PPFIA2: variants seen among roughly 807,000 people sequenced by gnomAD.
The protein encoded by PPFIA2 is PPFI scaffold protein A2, also known as liprin-alpha-2.
In PPFIA2, 46 loss-of-function variants were observed where a neutral mutation model predicts 175.5. The ratio of observed to expected loss-of-function variants is 0.26; its 90% CI spans 0.21 to 0.34. The LOEUF is 0.34. PPFIA2 is among the 10% of genes least tolerant of loss of function. The probability of loss-of-function intolerance (pLI) is 1.00; values close to 1 mark genes in which losing one functional copy is unlikely to be tolerated. For missense variants in PPFIA2, 1,179 were observed against 1,506.1 expected (o/e 0.78, Z 3.60); for synonymous variants, 568 against 511.4 (o/e 1.11, Z -1.49).
chr12:81,748,947 C>T (rs1380817127), intron 3 of PPFIA2, among the ~76,000 whole-genome samples: 10 of 144,444 alleles, frequency 6.9e-5, no homozygotes, highest in African/African-American at 2.4e-4. Context: ...TCACTTTCAT[C>T]CTATAACCTT....
chr12:81,313,497 C>T (rs1419680757), intron 22 of PPFIA2, among the ~76,000 whole-genome samples: 1 of 152,014 alleles, frequency 6.6e-6, no homozygotes, highest in Non-Finnish European at 1.5e-5. Context: ...TCCACAGCAT[C>T]TGTGGGAAAC....
intron 4 of PPFIA2, among the ~76,000 whole-genome samples, chr12:81,576,692 A>G (rs1475440242): frequency 2.0e-5 from 3 of 151,882 alleles, no homozygotes; most frequent in Admixed American, 6.6e-5. Context: ...TACAAATTTT[A>G]TAAGTAGCTT....
At chr12:81,270,371 T>G (rs2038734565) in intron 28 of PPFIA2, among the ~76,000 whole-genome samples, 1 of 152,196 alleles carries the variant, frequency 6.6e-6, no homozygotes, top group African/African-American at 2.4e-5. Context: ...AAAATTCTTG[T>G]AGAAGCCCTA....
At chr12:81,457,999 T>A (rs1400509148) in intron 4 of PPFIA2, 133 bp from the exon 5 acceptor site, 1 of 609,258 alleles carries the variant, frequency 1.6e-6, no homozygotes, top group Non-Finnish European at 2.9e-6. Flanking sequence ...GTTGCTGTTA[T>A]GAAGTATCTT....
At chr12:81,702,104 G>A (rs2076558741) in intron 3 of PPFIA2, among the ~76,000 whole-genome samples, 2 of 152,078 alleles carry the variant, frequency 1.3e-5, no homozygotes, top group African/African-American at 2.4e-5. Context: ...AGAGGAGTAA[G>A]AAAAACAGGG....
intron 4 of PPFIA2, among the ~76,000 whole-genome samples, chr12:81,538,787 C>T (rs1050276712): frequency 6.6e-6 from 1 of 151,782 alleles, no homozygotes; most frequent in Non-Finnish European, 1.5e-5. Context: ...GAGCATGAGT[C>T]GTGTCCATGG....
At chr12:81,303,417 G>A (rs1647441339) in intron 22 of PPFIA2, among the ~76,000 whole-genome samples, 1 of 152,158 alleles carries the variant, frequency 6.6e-6, no homozygotes, top group Non-Finnish European at 1.5e-5. Context: ...CTTCCTTTTA[G>A]AGGAAGTGTC....
At chr12:81,371,532 T>C (rs2035095458) in intron 11 of PPFIA2, among the ~76,000 whole-genome samples, 1 of 151,640 alleles carries the variant, frequency 6.6e-6, no homozygotes, top group African/African-American at 2.4e-5. Context: ...TCTAGTTGTT[T>C]CTGTTTACTT....
chr12:81,276,818 G>T (rs2040646596), intron 28 of PPFIA2, among the ~76,000 whole-genome samples: 1 of 151,960 alleles, frequency 6.6e-6, no homozygotes, highest in Non-Finnish European at 1.5e-5. Flanking sequence ...GAACTAGTTT[G>T]GTTTATAGGG....
At chr12:81,356,827 T>C (rs1274444468) in intron 16 of PPFIA2, among the ~76,000 whole-genome samples, 1 of 152,134 alleles carries the variant, frequency 6.6e-6, no homozygotes, top group Non-Finnish European at 1.5e-5. Flanking sequence ...ACATAATGCT[T>C]GTGAAATACA....
At chr12:81,304,305 T>A (rs985373742) in intron 22 of PPFIA2, among the ~76,000 whole-genome samples, 2 of 152,110 alleles carry the variant, frequency 1.3e-5, no homozygotes, top group African/African-American at 4.8e-5. Flanking sequence ...GATTAGGGGG[T>A]CAGTCATCTG....
chr12:81,703,264 C>A (rs1596545642), intron 3 of PPFIA2, among the ~76,000 whole-genome samples: 1 of 152,268 alleles, frequency 6.6e-6, no homozygotes, highest in South Asian at 2.1e-4. Context: ...AGACATCTCA[C>A]AGACACCTCA....
chr12:81,279,859 C>A (rs182301008), intron 27 of PPFIA2, among the ~76,000 whole-genome samples: 15 of 152,240 alleles, frequency 9.9e-5, no homozygotes, highest in Non-Finnish European at 1.6e-4. Context: ...TACAAGGCAG[C>A]TGAGAGTGGT....
chr12:81,665,199 GA>G (rs979587901), intron 4 of PPFIA2, among the ~76,000 whole-genome samples: 3 of 151,774 alleles, frequency 2.0e-5, no homozygotes, highest in Admixed American at 6.6e-5. Flanking sequence ...AAATAAACGT[GA>G]AAAAAATTTA....
At chr12:81,394,000 G>T (rs1168296240) in intron 8 of PPFIA2, among the ~76,000 whole-genome samples, 1 of 152,022 alleles carries the variant, frequency 6.6e-6, no homozygotes, top group Non-Finnish European at 1.5e-5. Flanking sequence ...TTGCAGTGGT[G>T]CATGGATGGT....
intron 4 of PPFIA2, among the ~76,000 whole-genome samples, chr12:81,636,415 G>C (rs1447245470): frequency 6.7e-6 from 1 of 149,958 alleles, no homozygotes; most frequent in African/African-American, 2.4e-5. Flanking sequence ...ACAGGCGCCC[G>C]CTACCACGCC....
intron 2 of PPFIA2, among the ~76,000 whole-genome samples, chr12:81,756,815 C>T (rs1002942982): frequency 4.6e-5 from 7 of 152,104 alleles, no homozygotes; most frequent in East Asian, 1.9e-4. Flanking sequence ...TTTACCTTTA[C>T]GACTCATTCT....
intron 3 of PPFIA2, among the ~76,000 whole-genome samples, chr12:81,708,863 T>C (rs2077534205): frequency 6.6e-6 from 1 of 152,170 alleles, no homozygotes; most frequent in South Asian, 2.1e-4. Context: ...TAAATTAAAC[T>C]GTTAGGGAAG....
chr12:81,701,915 T>TAAAAAAAAAAA (rs748051152), intron 3 of PPFIA2, among the ~76,000 whole-genome samples: 14 of 84,156 alleles, frequency 1.7e-4, no homozygotes, highest in Middle Eastern at 6.5e-3. Context: ...ATGGGAAGAC[T>TAAAAAAAAAAA]AAAAAAAAAA....
Sources: gnomAD v4.1 joint callset for allele counts (sites outside exome capture counted in the v4.1 genomes callset) on GRCh38, gnomAD v4.1.1 for gene constraint, MANE v1.5 for transcripts, NCBI Gene and HGNC (gene_info 2026-07-23, HGNC 2026-07-21) for gene names.